The following STAU1 variants were observed in gnomAD, a reference collection of about 807,000 sequenced individuals.
STAU1 encodes staufen double-stranded RNA binding protein 1.
STAU1 carries 13 observed loss-of-function variants against 62.9 expected under a neutral mutation model. The observed-to-expected ratio is 0.21, with a 90% CI of 0.13 to 0.33. The LOEUF is 0.33. STAU1 is among the 10% of genes least tolerant of loss of function. STAU1 has a pLI of 1.00. For missense variants in STAU1, 571 were observed against 712.1 expected, an observed-to-expected ratio of 0.80 and a Z score of 2.25; for synonymous variants, 269 against 265.1, an observed-to-expected ratio of 1.01 and a Z score of -0.14.
intron 3 of STAU1, among the ~76,000 whole-genome samples, chr20:49,163,115 C>T (rs1568909017): frequency 6.6e-6 from 1 of 151,988 alleles, no homozygotes; most frequent in South Asian, 2.1e-4. Flanking sequence ...TTGCTTGAAC[C>T]CGGGAGGAGG....
the STAU1 span, among the ~76,000 whole-genome samples, chr20:49,214,039 T>G: frequency 1.4e-5 from 2 of 146,334 alleles, no homozygotes; most frequent in Admixed American, 6.9e-5. Flanking sequence ...GGTGAAATAC[T>G]GTTTCTAATA....
chr20:49,176,646 GTATAT>G (rs1297814632), intron 1 of STAU1, among the ~76,000 whole-genome samples: 1 of 152,062 alleles, frequency 6.6e-6, no homozygotes, highest in East Asian at 1.9e-4. Flanking sequence ...TTCATAGATA[GTATAT>G]TATACTAACA....
chr20:49,175,441 T>C (rs144213958), intron 1 of STAU1, among the ~76,000 whole-genome samples: 713 of 152,282 alleles, frequency 4.7e-3, no homozygotes, highest in Non-Finnish European at 7.8e-3. Context: ...TATTCCCTGA[T>C]GAGAGTAATA....
At chr20:49,166,678 A>C (rs577883894) in intron 2 of STAU1, among the ~76,000 whole-genome samples, 116 of 152,354 alleles carry the variant, frequency 7.6e-4, no homozygotes, top group African/African-American at 2.6e-3. Context: ...CAAAATTACA[A>C]GAAACTGAAA....
intron 5 of STAU1, among the ~76,000 whole-genome samples, chr20:49,151,135 C>G (rs1054864054): frequency 6.6e-6 from 1 of 152,192 alleles, no homozygotes; most frequent in African/African-American, 2.4e-5. Flanking sequence ...CTATGATGGT[C>G]TGTTATGAGG....
chr20:49,154,776 G>A (rs1428046157), intron 3 of STAU1, among the ~76,000 whole-genome samples: 2 of 152,074 alleles, frequency 1.3e-5, no homozygotes, highest in Non-Finnish European at 2.9e-5. Context: ...TGAGGCAGAA[G>A]AATGGTGTGA....
intron 5 of STAU1, among the ~76,000 whole-genome samples, chr20:49,145,095 A>G (rs1299583904): frequency 6.6e-6 from 1 of 152,324 alleles, no homozygotes; most frequent in South Asian, 2.1e-4. Flanking sequence ...AACTCATGCA[A>G]TATCATTCCT....
Position 49,166,288 on chromosome 20 carries a change from A to G in STAU1, c.-84-3T>C. The stretch of plus-strand genomic sequence containing the variant: ...TGCTATGAAGTCTAAAGTTCTACCT[A>G]AAAGTTGTAAGGGAAAGAAAATAAA... On this transcript the variant is annotated splice_polypyrimidine_tract_variant and splice_region_variant and intron_variant, in intron 2 of 13. Coordinates refer to ENST00000371856, the MANE Select transcript of STAU1 (RefSeq NM_017453.4). 8.3e-7 allele frequency: 1 copy of G among 1,209,756 alleles called. No individual in the cohort carries two copies. Among genetic ancestry groups the G allele is most frequent in the Non-Finnish European group, 1.2e-6 (1 of 847,954 alleles). 74.9% of individuals were successfully genotyped at this position (1,209,756 alleles called of 1,614,324 possible). A position where few individuals can be genotyped will look rare whatever the true frequency, so the allele number is the denominator to read the frequency against.
chr20:49,125,268 C>A (rs1198933218), intron 6 of STAU1, among the ~76,000 whole-genome samples: 1 of 140,388 alleles, frequency 7.1e-6, no homozygotes, highest in African/African-American at 2.6e-5. Flanking sequence ...GTGGCTCACA[C>A]CTGTAATCCC....
chr20:49,206,725 A>ATATATATATATG, the STAU1 span, among the ~76,000 whole-genome samples: 1 of 50,806 alleles, frequency 2.0e-5, no homozygotes, highest in African/African-American at 1.0e-4. Context: ...AATTTTATAT[A>ATATATATATATG]TATATATATA....
chr20:49,214,280 G>A, the STAU1 span, among the ~76,000 whole-genome samples: 3 of 151,974 alleles, frequency 2.0e-5, no homozygotes, highest in African/African-American at 4.8e-5. Context: ...CACTTTGGGA[G>A]GCCAAGGCAG....
chr20:49,143,608 A>C (rs1007180408), intron 5 of STAU1, among the ~76,000 whole-genome samples: 1 of 152,172 alleles, frequency 6.6e-6, no homozygotes, highest in South Asian at 2.1e-4. Context: ...AAAACAAAAC[A>C]ACAGAAAAGA....
intron 3 of STAU1, among the ~76,000 whole-genome samples, chr20:49,160,493 G>T (rs3795078): frequency 1.3e-5 from 2 of 152,206 alleles, no homozygotes; most frequent in East Asian, 3.9e-4. Flanking sequence ...CCGTATCTCC[G>T]TGTCCTTAGA....
intron 5 of STAU1, among the ~76,000 whole-genome samples, chr20:49,150,322 G>A (rs2093220838): frequency 4.0e-5 from 6 of 151,698 alleles, no homozygotes; most frequent in Admixed American, 1.3e-4. Context: ...CCACTGAATT[G>A]TACACTTACA....
intron 1 of STAU1, among the ~76,000 whole-genome samples, chr20:49,174,836 C>T (rs1315506614): frequency 1.3e-5 from 2 of 150,984 alleles, no homozygotes; most frequent in African/African-American, 4.9e-5. Context: ...ACTTGGGAGG[C>T]TGAGGCAGAA....
the STAU1 span, among the ~76,000 whole-genome samples, chr20:49,200,550 G>C: frequency 6.6e-6 from 1 of 151,644 alleles, no homozygotes; most frequent in African/African-American, 2.4e-5. Context: ...GCAGTGAGCC[G>C]AGATCGCACC....
At chr20:49,132,728 C>T (rs1242825758) in intron 6 of STAU1, among the ~76,000 whole-genome samples, 2 of 151,802 alleles carry the variant, frequency 1.3e-5, no homozygotes, top group African/African-American at 4.8e-5. Flanking sequence ...CATTGTACTC[C>T]AGCCTGCGCA....
In STAU1 at chr20:49,130,313, G is replaced by C. The variant is rs1055517806; in HGVS notation, c.609+5520C>G. Reference sequence around the variant, plus strand: ...TGCCAGAGCCTGAGGACAGAGGGGAGAGACTGACTGCAAAGGGACACAGGG... The same window carrying C: ...TGCCAGAGCCTGAGGACAGAGGGGACAGACTGACTGCAAAGGGACACAGGG... On this transcript the variant is annotated intron_variant, in intron 6 of 13. Transcript: ENST00000371856. Among the ~76,000 whole-genome samples, 7 of 152,188 alleles carry C rather than the reference G, an allele frequency of 4.6e-5. 1 individual carries two copies. Among genetic ancestry groups the C allele is most frequent in the Admixed American group, 2.0e-4 (3 of 15,276 alleles).
chr20:49,167,520 T>C (rs2093542174), intron 2 of STAU1, among the ~76,000 whole-genome samples: 1 of 152,150 alleles, frequency 6.6e-6, no homozygotes, highest in Admixed American at 6.6e-5. Context: ...GCATAAGTAT[T>C]ACCTTATTCA....
Sources: allele counts gnomAD v4.1 joint callset (sites outside exome capture counted in the v4.1 genomes callset), GRCh38; gene constraint gnomAD v4.1.1; transcripts MANE v1.5; gene names NCBI Gene and HGNC (gene_info 2026-07-23, HGNC 2026-07-21).